IFT80: variants seen among roughly 807,000 people sequenced by gnomAD.
IFT80 encodes the protein intraflagellar transport protein 80 homolog.
Under a neutral mutation model 107.9 loss-of-function variants are expected in IFT80, and 79 were observed. The ratio of observed to expected loss-of-function variants is 0.73; its 90% CI spans 0.61 to 0.88. IFT80 has a LOEUF of 0.88. Ranked by LOEUF, IFT80 falls within the 40% of genes least tolerant of loss-of-function variation. The pLI is 0.00. For missense variants in IFT80, 797 were observed against 914.2 expected, an observed-to-expected ratio of 0.87 and a Z score of 1.65; for synonymous variants, 299 against 300.9, an observed-to-expected ratio of 0.99 and a Z score of 0.07.
At chr3:160,352,230 G>C (rs1028204902) in intron 8 of IFT80, among the ~76,000 whole-genome samples, 3 of 151,604 alleles carry the variant, frequency 2.0e-5, no homozygotes, top group Non-Finnish European at 4.4e-5. Flanking sequence ...TCCTGACCTC[G>C]TGATCTGCCT....
At position 160,319,867 on chromosome 3, in the gene IFT80, T is replaced by C. The variant is rs763041742; in HGVS notation, c.850A>G (p.Ile284Val). ...TGTCCATTTCCACAGGCTCCAGCAA[T>C]CTGAGTGCCATCGATAGACCATGCA... is the stretch of plus-strand genomic sequence containing the variant. ...NIAWSIDGTQ[I>V]AGACGNGHVV... The change falls in exon 9 of 20, where the codon ATT becomes GTT. Residue 284 changes from isoleucine (I) to valine (V), a missense_variant. Ile to Val is a conservative substitution (Grantham distance 29). Transcript: ENST00000326448. 8 of 1,612,864 alleles carry C rather than the reference T, an allele frequency of 5.0e-6. No individual in the cohort carries two copies. Among genetic ancestry groups the C allele is most frequent in the Non-Finnish European group, 6.8e-6 (8 of 1,179,262 alleles).
intron 9 of IFT80, among the ~76,000 whole-genome samples, chr3:160,312,542 T>C (rs73154549): frequency 0.14 from 17,091 of 121,466 alleles, 1,662 homozygotes; most frequent in Non-Finnish European, 0.2. Flanking sequence ...CACAGAGATC[T>C]TTATCTTGTG....
At chr3:160,283,564 G>C (rs1203310521) in intron 13 of IFT80, among the ~76,000 whole-genome samples, 3 of 152,072 alleles carry the variant, frequency 2.0e-5, no homozygotes, top group African/African-American at 7.2e-5. Flanking sequence ...AGAAAGAAAA[G>C]AATTTGGTTT....
intron 9 of IFT80, among the ~76,000 whole-genome samples, chr3:160,319,312 C>T (rs1263076364): frequency 6.6e-6 from 1 of 152,130 alleles, no homozygotes; most frequent in East Asian, 1.9e-4. Flanking sequence ...CATTTTGACT[C>T]TCCTTAGGTA....
In IFT80 at chr3:160,279,388, C is replaced by T. The variant is rs771343257; in HGVS notation, c.1665-24G>A. Reference sequence around the variant, plus strand: ...CACTGTTGAAAAAAAAAGCAAAGTACAATTTAAAGTTGTATTCTGAGCAAA... The same window carrying T: ...CACTGTTGAAAAAAAAAGCAAAGTATAATTTAAAGTTGTATTCTGAGCAAA... On this transcript the variant is annotated intron_variant, in intron 15 of 19. Coordinates refer to ENST00000326448, the MANE Select transcript of IFT80 (RefSeq NM_020800.3). 7.5e-6 allele frequency: 12 copies of T among 1,602,048 alleles called. No individual in the cohort carries two copies. The South Asian group carries it at 1.3e-4, about 18-fold the overall frequency.
chr3:160,369,580 T>C (rs1722093638), intron 5 of IFT80, among the ~76,000 whole-genome samples: 1 of 151,966 alleles, frequency 6.6e-6, no homozygotes, highest in Admixed American at 6.6e-5. Context: ...ATTTGTATTA[T>C]TATGAAATCC....
intron 3 of IFT80, among the ~76,000 whole-genome samples, chr3:160,378,241 A>T (rs1055792104): frequency 5.4e-5 from 7 of 130,614 alleles, no homozygotes; most frequent in African/African-American, 3.3e-5. Flanking sequence ...TATAGCCTAT[A>T]AAAAAAAAAA....
At chr3:160,292,783 C>T (rs994974350) in intron 12 of IFT80, among the ~76,000 whole-genome samples, 4 of 152,034 alleles carry the variant, frequency 2.6e-5, no homozygotes, top group Non-Finnish European at 4.4e-5. Flanking sequence ...GAAAGGAGGA[C>T]GCTGGTATGG....
intron 12 of IFT80, among the ~76,000 whole-genome samples, chr3:160,294,891 A>G (rs1715856735): frequency 6.6e-6 from 1 of 151,780 alleles, no homozygotes; most frequent in Admixed American, 6.5e-5. Context: ...AATAAGGTGC[A>G]GTCTGTAAAA....
At chr3:160,278,995 A>C (rs1714481635) in intron 16 of IFT80, among the ~76,000 whole-genome samples, 198 bp downstream of exon 16, 1 of 152,166 alleles carries the variant, frequency 6.6e-6, no homozygotes, top group African/African-American at 2.4e-5. Flanking sequence ...AAACAGTTTA[A>C]ATTTTTATAG....
chr3:160,258,558 G>C lies in IFT80; in HGVS notation c.2301C>G (p.Ser767Arg). Residue 767 changes from serine to arginine, a missense_variant, in exon 20 of 20, where the codon AGC becomes AGG. Transcript: ENST00000326448. ...TTAAACCTATACTCTTGCTGGATTG[G>C]CTGCTTGATGATTGCTCTCTTTCTT... The part of the protein sequence containing the change: ...ITKEREQSSS[S>R]QSSKSIGLKP 6.2e-7 allele frequency: 1 copy of C among 1,613,664 alleles called. No individual in the cohort carries two copies. Among genetic ancestry groups the C allele is most frequent in the Non-Finnish European group, 8.5e-7 (1 of 1,179,966 alleles).
chr3:160,358,600 TG>T (rs1721273560), intron 6 of IFT80, among the ~76,000 whole-genome samples: 1 of 152,216 alleles, frequency 6.6e-6, no homozygotes, highest in African/African-American at 2.4e-5. Context: ...CGTTAAGTTC[TG>T]CCTTGGCCTC....
chr3:160,374,036 C>T (rs1414183486), intron 5 of IFT80, among the ~76,000 whole-genome samples: 1 of 152,088 alleles, frequency 6.6e-6, no homozygotes, highest in Non-Finnish European at 1.5e-5. Flanking sequence ...CCATTTTAGA[C>T]TCTGGAACAT....
At position 160,355,858 on chromosome 3, in the gene IFT80, T is replaced by C. The variant is rs1036145952; in HGVS notation, c.777+155A>G. ...TAAACAGATTTTGGTCCCATATATC[T>C]GGAATTGATTGAACCAGCATATTAA... On this transcript the variant is annotated intron_variant, in intron 8 of 19. Coordinates refer to ENST00000326448, the MANE Select transcript of IFT80 (RefSeq NM_020800.3). Among the ~76,000 whole-genome samples the C allele has an allele frequency of 3.9e-5, 6 of 152,230 alleles. No homozygotes were observed. The East Asian group carries it at 7.7e-4, about 20-fold the overall frequency.
chr3:160,319,531 T>C (rs1328959473), intron 9 of IFT80, among the ~76,000 whole-genome samples: 1 of 152,030 alleles, frequency 6.6e-6, no homozygotes, highest in East Asian at 1.9e-4. Context: ...CCAATTTCAC[T>C]GTATTTGTCC....
At chr3:160,319,040 C>T (rs573995418) in intron 9 of IFT80, among the ~76,000 whole-genome samples, 3 of 151,998 alleles carry the variant, frequency 2.0e-5, no homozygotes, top group East Asian at 3.9e-4. Flanking sequence ...ACTTTTTTTG[C>T]CCTATTGTGT....
rs1721829271 is a variant in IFT80, at chr3:160,365,893, C to T, written c.549+150G>A. The stretch of plus-strand genomic sequence containing the variant: ...ACCTTGTTGGAAATATAAAGATATT[C>T]CTTGTTCTGTAATAAAGGCTGATTA... On this transcript the variant is annotated intron_variant, in intron 6 of 19. Coordinates refer to ENST00000326448, the MANE Select transcript of IFT80 (RefSeq NM_020800.3). 11 of 674,092 alleles carry T rather than the reference C, an allele frequency of 1.6e-5. No homozygotes were observed. The East Asian group carries it at 3.0e-4, about 18-fold the overall frequency. The allele number at this position is 674,092 out of a possible 1,614,324, so 41.8% of individuals were successfully genotyped here.
chr3:160,315,811 A>C (rs968683600), intron 9 of IFT80, among the ~76,000 whole-genome samples: 1 of 152,152 alleles, frequency 6.6e-6, no homozygotes, highest in Non-Finnish European at 1.5e-5. Flanking sequence ...GGATGCAATA[A>C]CCATAGAGTC....
intron 12 of IFT80, among the ~76,000 whole-genome samples, chr3:160,293,194 A>C (rs1421488917): frequency 6.6e-6 from 1 of 152,250 alleles, no homozygotes; most frequent in East Asian, 1.9e-4. Flanking sequence ...TAGCTGATAC[A>C]TGAAAAGATG....
Sources: allele counts gnomAD v4.1 joint callset (sites outside exome capture counted in the v4.1 genomes callset), GRCh38; gene constraint gnomAD v4.1.1; transcripts MANE v1.5; gene names NCBI Gene and HGNC (gene_info 2026-07-23, HGNC 2026-07-21).